The following ANO4 variants were observed in gnomAD, a reference collection of about 807,000 sequenced individuals.
The protein encoded by ANO4 is anoctamin-4.
In ANO4, 69 loss-of-function variants were observed where a neutral mutation model predicts 141.9. The ratio of observed to expected loss-of-function variants is 0.49; its 90% CI spans 0.40 to 0.59. ANO4 has a LOEUF of 0.59. Among genes scored for constraint, ANO4 ranks in the 20% least tolerant of loss-of-function variants. ANO4 has a pLI of 0.00. For synonymous variants in ANO4, 350 were observed against 394.3 expected (o/e 0.89, Z 1.33); for missense variants, 894 against 1,162.2 (o/e 0.77, Z 3.36).
At chr12:100,999,728 G>A (rs2045551934) in intron 8 of ANO4, among the ~76,000 whole-genome samples, 1 of 151,964 alleles carries the variant, frequency 6.6e-6, no homozygotes, top group Non-Finnish European at 1.5e-5. Flanking sequence ...AGGATTTGGG[G>A]ACATTAAATG....
chr12:100,741,162 C>A (rs2031847734), intron 3 of ANO4, among the ~76,000 whole-genome samples: 1 of 152,144 alleles, frequency 6.6e-6, no homozygotes, highest in African/African-American at 2.4e-5. Flanking sequence ...TATGCAAAAT[C>A]TATCCTGCCA....
At chr12:100,888,092 A>G (rs1178341540) in intron 1 of ANO4, among the ~76,000 whole-genome samples, 1 of 152,092 alleles carries the variant, frequency 6.6e-6, no homozygotes, top group Non-Finnish European at 1.5e-5. Context: ...GCAGGGAGGG[A>G]AAAAAAGATG....
intron 14 of ANO4, among the ~76,000 whole-genome samples, chr12:101,050,065 G>A (rs946175361): frequency 7.9e-5 from 12 of 152,172 alleles, no homozygotes; most frequent in African/African-American, 2.7e-4. Context: ...TGACCATTGG[G>A]TAGAAGTAGG....
At chr12:101,066,760 G>A (rs1047523214) in intron 14 of ANO4, 1 of 932,072 alleles carries the variant, frequency 1.1e-6, no homozygotes, top group Non-Finnish European at 1.8e-6. Flanking sequence ...AGTTGCTGCA[G>A]CAGCAGGAGG....
rs142752510 is a variant in ANO4 at position 100,772,127 on chromosome 12, T to C, written c.358+32022T>C. On this transcript the variant is annotated intron_variant, in intron 3 of 29. Transcript: ENST00000644049. ...AATATTTAGTAGGGCCTGTCATAGA[T>C]ATAGTAGGTGGTGAACTCAAGGCCA... 1.1e-3 allele frequency among the ~76,000 whole-genome samples: 161 copies of C among 152,274 alleles called. 4 individuals carry two copies. The East Asian group carries it at 0.025, about 24-fold the overall frequency.
chr12:100,930,724 C>G (rs2042057505), intron 3 of ANO4, among the ~76,000 whole-genome samples: 1 of 152,144 alleles, frequency 6.6e-6, no homozygotes, highest in South Asian at 2.1e-4. Flanking sequence ...AGGGAGATGT[C>G]AACACAACCA....
chr12:100,890,165 A>G (rs899517057), intron 1 of ANO4, among the ~76,000 whole-genome samples: 6 of 152,276 alleles, frequency 3.9e-5, no homozygotes, highest in African/African-American at 1.4e-4. Flanking sequence ...TATTATGAAT[A>G]TTTGAAGTAT....
chr12:101,111,517 C>A, intron 23 of ANO4, 46 bp from the exon 24 acceptor site: 1 of 1,466,728 alleles, frequency 6.8e-7, no homozygotes, highest in Non-Finnish European at 9.1e-7. Context: ...ATAATTATCA[C>A]CTCTGTTTTG....
At position 101,088,683 on chromosome 12, in the gene ANO4, A is replaced by G. The variant is rs142620600; in HGVS notation, c.1701+1859A>G. ...TCAACCTATACATAAAAATATGGCCAGGCACTGTGGCTCATGCCTGTAATC... is the reference window on the plus strand; with the variant it reads ...TCAACCTATACATAAAAATATGGCCGGGCACTGTGGCTCATGCCTGTAATC... On this transcript the variant is annotated intron_variant, in intron 17 of 27. Coordinates refer to ENST00000392977, the MANE Select transcript of ANO4 (RefSeq NM_001286615.2). 2.0e-3 allele frequency among the ~76,000 whole-genome samples: 300 copies of G among 152,180 alleles called. 2 individuals are homozygous for G. Among genetic ancestry groups the G allele is most frequent in the African/African-American group, 7.0e-3 (290 of 41,526 alleles).
chr12:100,735,084 C>T (rs2031547717), intron 2 of ANO4, among the ~76,000 whole-genome samples: 1 of 152,170 alleles, frequency 6.6e-6, no homozygotes, highest in African/African-American at 2.4e-5. Context: ...TTGCTGCCAC[C>T]TTTCTGAGTT....
chr12:100,920,894 A>G (rs547091935), intron 2 of ANO4, among the ~76,000 whole-genome samples: 1 of 152,278 alleles, frequency 6.6e-6, no homozygotes, highest in African/African-American at 2.4e-5. Flanking sequence ...ACTACGTGAC[A>G]ACTAAGGTTT....
At chr12:101,015,270 C>T (rs948956565) in intron 8 of ANO4, among the ~76,000 whole-genome samples, 1 of 152,184 alleles carries the variant, frequency 6.6e-6, no homozygotes, top group Non-Finnish European at 1.5e-5. Flanking sequence ...TATGTGTCCT[C>T]CCATAGTCAT....
chr12:100,725,873 T>TG (rs2031093396), intron 1 of ANO4, among the ~76,000 whole-genome samples: 1 of 152,190 alleles, frequency 6.6e-6, no homozygotes, highest in African/African-American at 2.4e-5. Flanking sequence ...TTCTCCCACT[T>TG]TCTAGTTGTG....
intron 3 of ANO4, among the ~76,000 whole-genome samples, chr12:100,789,554 A>G (rs1016743520): frequency 1.3e-5 from 2 of 152,348 alleles, no homozygotes; most frequent in Non-Finnish European, 1.5e-5. Flanking sequence ...TGTAGCTCAG[A>G]AAAGTTCTCA....
chr12:100,967,688 G>A (rs1255481765), intron 5 of ANO4, among the ~76,000 whole-genome samples: 1 of 151,626 alleles, frequency 6.6e-6, no homozygotes, highest in Non-Finnish European at 1.5e-5. Context: ...ACCTTTAATA[G>A]CCCCAAATAA....
rs1372476427 is a variant in ANO4, at chr12:100,802,948, C to A, written c.-141+7921C>A. On this transcript the variant is annotated intron_variant, in intron 1 of 27. Coordinates refer to ENST00000392977, the MANE Select transcript of ANO4 (RefSeq NM_001286615.2). Reference sequence around the variant, plus strand: ...TTTCTGACAATTCTATGATAAACCACCATCTTGAGGGTTTTTTTCCTCCTA... The same window carrying A: ...TTTCTGACAATTCTATGATAAACCAACATCTTGAGGGTTTTTTTCCTCCTA... Among the ~76,000 whole-genome samples, 3 of 152,146 alleles carry A rather than the reference C, an allele frequency of 2.0e-5. No individual in the cohort carries two copies. The East Asian group carries it at 5.8e-4, about 29-fold the overall frequency.
intron 5 of ANO4, among the ~76,000 whole-genome samples, chr12:100,957,186 G>A (rs964547359): frequency 6.6e-6 from 1 of 152,184 alleles, no homozygotes; most frequent in African/African-American, 2.4e-5. Flanking sequence ...ACACTTGCTC[G>A]GCCTCTGGTG....
At chr12:100,942,682 A>G (rs1037686521) in intron 5 of ANO4, 147 bp downstream of exon 5, 5 of 825,558 alleles carry the variant, frequency 6.1e-6, no homozygotes, top group East Asian at 2.8e-5. Context: ...GAATGTTCCA[A>G]TATTTAGACT....
In ANO4 at chr12:101,043,184, A is replaced by G. The variant is rs571544566; in HGVS notation, c.1155-355A>G. Among the ~76,000 whole-genome samples the G allele has an allele frequency of 7.2e-4, 109 of 152,356 alleles. 1 individual carries two copies. Among genetic ancestry groups the G allele is most frequent in the African/African-American group, 2.5e-3 (105 of 41,584 alleles). ...ACTTATCATACACATAGAGATCAAGATAAGTATCTTTATATATCTTCTTAC... is the reference window on the plus strand; with the variant it reads ...ACTTATCATACACATAGAGATCAAGGTAAGTATCTTTATATATCTTCTTAC... On this transcript the variant is annotated intron_variant, in intron 12 of 27. Coordinates refer to ENST00000392977, the MANE Select transcript of ANO4 (RefSeq NM_001286615.2).
Sources: gnomAD v4.1 joint callset for allele counts (sites outside exome capture counted in the v4.1 genomes callset) on GRCh38, gnomAD v4.1.1 for gene constraint, MANE v1.5 for transcripts, NCBI Gene and HGNC (gene_info 2026-07-23, HGNC 2026-07-21) for gene names.